The following ST3GAL1 variants were observed in gnomAD, a reference collection of about 807,000 sequenced individuals.
ST3GAL1 encodes the protein CMP-N-acetylneuraminate-beta-galactosamide-alpha-2,3-sialyltransferase 1.
Under a neutral mutation model 34.1 loss-of-function variants are expected in ST3GAL1, and 16 were observed. The ratio of observed to expected loss-of-function variants is 0.47; its 90% CI spans 0.32 to 0.71. The LOEUF is 0.71. ST3GAL1 is among the 30% of genes least tolerant of loss of function. The pLI is 0.04. For synonymous variants in ST3GAL1, 191 were observed against 184.7 expected, an observed-to-expected ratio of 1.03 and a Z score of -0.28; for missense variants, 353 against 447.4, an observed-to-expected ratio of 0.79 and a Z score of 1.90.
chr8:133,560,271 AC>A (rs1819179814), intron 1 of ST3GAL1, among the ~76,000 whole-genome samples: 2 of 151,994 alleles, frequency 1.3e-5, no homozygotes, highest in Admixed American at 6.5e-5. Flanking sequence ...AAAAAAAAAA[AC>A]ACACTGAAAT....
chr8:133,552,589 G>A (rs1818894322), intron 1 of ST3GAL1, among the ~76,000 whole-genome samples: 1 of 152,178 alleles, frequency 6.6e-6, no homozygotes, highest in Non-Finnish European at 1.5e-5. Flanking sequence ...TCCCTCTGTG[G>A]AGACCCAGGG....
chr8:133,521,266 T>C (rs1050224492), intron 2 of ST3GAL1, among the ~76,000 whole-genome samples: 1 of 151,760 alleles, frequency 6.6e-6, no homozygotes, highest in African/African-American at 2.4e-5. Flanking sequence ...CCCAAGTAGC[T>C]GGGATTACAG....
intron 7 of ST3GAL1, among the ~76,000 whole-genome samples, chr8:133,464,016 CCA>C (rs1245728588): frequency 6.6e-6 from 1 of 151,228 alleles, no homozygotes; most frequent in East Asian, 2.0e-4. Context: ...GGGCACAGCT[CCA>C]CAGTCTCCTG....
At chr8:133,462,050 A>G in intron 8 of ST3GAL1, 56 bp from the exon 9 acceptor site, 1 of 1,609,904 alleles carries the variant, frequency 6.2e-7, no homozygotes, top group South Asian at 1.1e-5. Context: ...AAGGACATGG[A>G]GCGCCTGTCA....
At chr8:133,460,177 T>C (rs1158721982) in intron 9 of ST3GAL1, among the ~76,000 whole-genome samples, 1 of 152,224 alleles carries the variant, frequency 6.6e-6, no homozygotes, top group African/African-American at 2.4e-5. Flanking sequence ...GAGAGATTAC[T>C]GCATCTGGGT....
At chr8:133,489,921 G>A (rs1330464249) in intron 3 of ST3GAL1, among the ~76,000 whole-genome samples, 4 of 152,076 alleles carry the variant, frequency 2.6e-5, no homozygotes, top group Admixed American at 2.6e-4. Flanking sequence ...GCAGACAAAA[G>A]CCCATGGAAT....
chr8:133,552,313 G>A (rs915187384), intron 1 of ST3GAL1, among the ~76,000 whole-genome samples: 13 of 152,214 alleles, frequency 8.5e-5, no homozygotes, highest in African/African-American at 2.2e-4. Flanking sequence ...AGATCAGTTC[G>A]CAAATGGGAC....
At chr8:133,559,886 C>T (rs548985376) in intron 1 of ST3GAL1, among the ~76,000 whole-genome samples, 106 of 152,260 alleles carry the variant, frequency 7.0e-4, no homozygotes, top group African/African-American at 2.5e-3. Context: ...AAGTGGCTCA[C>T]CGCCTCCCTC....
intron 2 of ST3GAL1, among the ~76,000 whole-genome samples, chr8:133,517,695 G>A (rs1817687775): frequency 6.6e-6 from 1 of 152,174 alleles, no homozygotes; most frequent in African/African-American, 2.4e-5. Flanking sequence ...ACTCCCTGGG[G>A]ACTTCTGGAA....
Position 133,466,375 on chromosome 8 carries a change from C to A in ST3GAL1, c.307-285G>T, listed in dbSNP as rs1229598312. Among the ~76,000 whole-genome samples, 1 of 152,194 alleles carries A rather than the reference C, an allele frequency of 6.6e-6. No individual in the cohort carries two copies. The highest frequency in any genetic ancestry group is 1.5e-5 in the Non-Finnish European group (1 of 68,024). On this transcript the variant is annotated intron_variant, in intron 5 of 9. Transcript: ENST00000522652. This position sits in a 1 kb window ranked among gnomAD's most constrained non-coding sequence, Gnocchi z 4.4. ...TGCTGAAGCCGCTTGGGTGATCCAG[C>A]CACACCTGGACTCACAGGCCCCTCC...
chr8:133,463,302 C>T, intron 8 of ST3GAL1, 112 bp downstream of exon 8: 7 of 1,230,008 alleles, frequency 5.7e-6, no homozygotes, highest in Non-Finnish European at 7.1e-6. Context: ...GATGCTACCT[C>T]CAGCGGCCTG....
rs542799215 is a variant in ST3GAL1, at chr8:133,556,179, A to G, written c.-581-10253T>C. 3.9e-5 allele frequency among the ~76,000 whole-genome samples: 6 copies of G among 152,248 alleles called. No homozygotes were observed. The highest frequency in any genetic ancestry group is 7.4e-5 in the Non-Finnish European group (5 of 68,012). ...CCAAAGTGCTAGGATTGCAGGCATG[A>G]GCCACCATGCCCAGCTTGTTTTTTC... On this transcript the variant is annotated intron_variant, in intron 1 of 9. Coordinates refer to ENST00000522652, the MANE Select transcript of ST3GAL1 (RefSeq NM_173344.3). The surrounding 1 kb of genome is among the most constrained non-coding windows in gnomAD (Gnocchi z 8.9).
At chr8:133,550,693 C>T (rs185831641) in intron 1 of ST3GAL1, among the ~76,000 whole-genome samples, 29 of 152,302 alleles carry the variant, frequency 1.9e-4, no homozygotes, top group Admixed American at 1.5e-3. Flanking sequence ...AAATGTCTAC[C>T]TTCTCCAGCT....
intron 5 of ST3GAL1, 80 bp downstream of exon 5, chr8:133,475,639 T>A (rs1250912482): frequency 7.0e-7 from 1 of 1,427,332 alleles, no homozygotes; most frequent in African/African-American, 1.4e-5. Flanking sequence ...CTTATCCAGA[T>A]CCCCACTCTC....
At chr8:133,529,227 A>C (rs28702428) in intron 2 of ST3GAL1, among the ~76,000 whole-genome samples, 4,985 of 152,324 alleles carry the variant, frequency 0.033, 161 homozygotes, top group East Asian at 0.14. Flanking sequence ...CAGATGGAGA[A>C]CGACTAGGTC....
intron 2 of ST3GAL1, among the ~76,000 whole-genome samples, chr8:133,519,470 T>C (rs1817736703): frequency 6.6e-6 from 1 of 152,182 alleles, no homozygotes; most frequent in South Asian, 2.1e-4. Flanking sequence ...AATGTTCTTA[T>C]GTATGTTAAA....
At chr8:133,557,269 T>C (rs561228876) in intron 1 of ST3GAL1, among the ~76,000 whole-genome samples, 2 of 152,162 alleles carry the variant, frequency 1.3e-5, no homozygotes, top group Non-Finnish European at 2.9e-5. Flanking sequence ...GACTGTGCAG[T>C]GTAAACACAG....
chr8:133,465,887 C>T lies in ST3GAL1; in HGVS notation c.503+7G>A. ...ACGGTAGGCTTGGGAGAGGGTCTGG[C>T]ACTCACCTGAGGACAAAGTCGTGAC... On this transcript the variant is annotated splice_region_variant and intron_variant, in intron 6 of 9. Coordinates refer to ENST00000522652, the MANE Select transcript of ST3GAL1 (RefSeq NM_173344.3). The T allele has an allele frequency of 6.2e-7, 1 of 1,612,064 alleles. No individual in the cohort carries two copies. The highest frequency in any genetic ancestry group is 1.1e-5 in the South Asian group (1 of 90,820).
rs981840061 is a variant in ST3GAL1 at position 133,556,820 on chromosome 8, G to C, written c.-581-10894C>G. On this transcript the variant is annotated intron_variant, in intron 1 of 9. Transcript: ENST00000522652. This position sits in a 1 kb window ranked among gnomAD's most constrained non-coding sequence, Gnocchi z 8.9. Reference sequence around the variant, plus strand: ...CCTTTGAAATATGGTGTGGTGGAGGGGGGACATTTTGTTCTTTTGGCCTCT... The same window carrying C: ...CCTTTGAAATATGGTGTGGTGGAGGCGGGACATTTTGTTCTTTTGGCCTCT... Among the ~76,000 whole-genome samples the C allele has an allele frequency of 6.6e-6, 1 of 152,150 alleles. No individual in the cohort carries two copies. The highest frequency in any genetic ancestry group is 2.4e-5 in the African/African-American group (1 of 41,422).
Sources: allele counts gnomAD v4.1 joint callset (sites outside exome capture counted in the v4.1 genomes callset), GRCh38; gene constraint gnomAD v4.1.1; non-coding constraint Gnocchi (gnomAD v3.1); transcripts MANE v1.5; gene names NCBI Gene and HGNC (gene_info 2026-07-23, HGNC 2026-07-21).